FAM135B: variants seen among roughly 807,000 people sequenced by gnomAD.
The protein encoded by FAM135B is family with sequence similarity 135 member B, also known as protein FAM135B.
Under a neutral mutation model 127.7 loss-of-function variants are expected in FAM135B, and 43 were observed. The observed-to-expected ratio is 0.34, with a 90% confidence interval of 0.26 to 0.43. FAM135B has a LOEUF of 0.43. Ranked by LOEUF, FAM135B falls within the 20% of genes least tolerant of loss-of-function variation. The pLI is 1.00. For missense variants in FAM135B, 1,558 were observed against 1,725.6 expected, an observed-to-expected ratio of 0.90 and a Z score of 1.72; for synonymous variants, 670 against 665.1, an observed-to-expected ratio of 1.01 and a Z score of -0.11.
intron 1 of FAM135B, among the ~76,000 whole-genome samples, chr8:138,388,945 A>G (rs11784617): frequency 0.21 from 31,766 of 152,080 alleles, 3,604 homozygotes; most frequent in Non-Finnish European, 0.26. Context: ...TGTTTTATAT[A>G]TATATATCCC....
At chr8:138,341,049 T>G (rs1829013477) in intron 2 of FAM135B, among the ~76,000 whole-genome samples, 1 of 152,098 alleles carries the variant, frequency 6.6e-6, no homozygotes, top group African/African-American at 2.4e-5. Context: ...ACTCAAGAAT[T>G]GTTTAGGACT....
intron 1 of FAM135B, among the ~76,000 whole-genome samples, chr8:138,420,963 T>C (rs1318073094): frequency 6.6e-6 from 1 of 152,136 alleles, no homozygotes; most frequent in African/African-American, 2.4e-5. Flanking sequence ...TCACCACAAC[T>C]ATTTAACATA....
chr8:138,239,700 G>C (rs1434061869), intron 7 of FAM135B, among the ~76,000 whole-genome samples: 5 of 152,108 alleles, frequency 3.3e-5, no homozygotes, highest in South Asian at 2.1e-4. Context: ...ACATGCACAT[G>C]TATGTTCACT....
At chr8:138,457,003 T>C (rs1209498237) in intron 1 of FAM135B, among the ~76,000 whole-genome samples, 2 of 141,170 alleles carry the variant, frequency 1.4e-5, no homozygotes, top group African/African-American at 2.6e-5. Context: ...ACAAAGAAGA[T>C]GTGAAAGAAA....
At chr8:138,376,598 T>TC (rs1831489953) in intron 1 of FAM135B, among the ~76,000 whole-genome samples, 1 of 152,208 alleles carries the variant, frequency 6.6e-6, no homozygotes, top group Non-Finnish European at 1.5e-5. Flanking sequence ...CAATGCTTTA[T>TC]CCTCCCTCCC....
Position 138,497,240 on chromosome 8 carries a change from C to T in FAM135B, c.-589G>A, listed in dbSNP as rs28589271. 6.6e-3 allele frequency among the ~76,000 whole-genome samples: 995 copies of T among 150,724 alleles called. 10 individuals carry two copies. The highest frequency in any genetic ancestry group is 0.022 in the African/African-American group (907 of 41,362). Reference sequence around the variant, plus strand: ...TCCGCTCCGCAGCCGCTGCGCACCGCGTGGGTAGACGCTGCGCGACTGGCT... The same window carrying T: ...TCCGCTCCGCAGCCGCTGCGCACCGTGTGGGTAGACGCTGCGCGACTGGCT... On this transcript the variant is annotated 5_prime_UTR_variant, in exon 1 of 20. Transcript: ENST00000395297.
chr8:138,465,749 T>A (rs1253161792), intron 1 of FAM135B, among the ~76,000 whole-genome samples: 1 of 151,870 alleles, frequency 6.6e-6, no homozygotes, highest in African/African-American at 2.4e-5. Flanking sequence ...GCTGCTGACT[T>A]GTTGCTGTAC....
intron 3 of FAM135B, among the ~76,000 whole-genome samples, chr8:138,275,418 C>T (rs185190977): frequency 1.3e-5 from 2 of 152,320 alleles, no homozygotes; most frequent in African/African-American, 2.4e-5. Flanking sequence ...GGCACGATGA[C>T]TCATTCTTAC....
At chr8:138,269,515 T>C (rs532010796) in intron 3 of FAM135B, among the ~76,000 whole-genome samples, 1 of 152,308 alleles carries the variant, frequency 6.6e-6, no homozygotes, top group Non-Finnish European at 1.5e-5. Flanking sequence ...GTCTGGACTG[T>C]GTGAATTCCT....
intron 1 of FAM135B, among the ~76,000 whole-genome samples, chr8:138,382,686 G>A (rs1019525078): frequency 1.3e-5 from 2 of 152,048 alleles, no homozygotes; most frequent in Non-Finnish European, 2.9e-5. Flanking sequence ...GTGGCACCTG[G>A]CACCCAGAGA....
At chr8:138,494,747 G>T (rs751470303) in intron 1 of FAM135B, among the ~76,000 whole-genome samples, 17 of 151,810 alleles carry the variant, frequency 1.1e-4, no homozygotes, top group Non-Finnish European at 2.2e-4. Context: ...AGCAGAGTTG[G>T]ATGAAAGTAA....
At chr8:138,218,753 G>GCACACACACACA (rs139117207) in intron 7 of FAM135B, among the ~76,000 whole-genome samples, 4 of 51,396 alleles carry the variant, frequency 7.8e-5, no homozygotes, top group Admixed American at 2.7e-4. Flanking sequence ...AAACTTACAC[G>GCACACACACACA]CACACACACA....
chr8:138,366,334 C>G (rs930059933), intron 2 of FAM135B, among the ~76,000 whole-genome samples: 2 of 152,168 alleles, frequency 1.3e-5, no homozygotes. Context: ...ACCTGAAAAG[C>G]AGAGTGGAGT....
intron 9 of FAM135B, among the ~76,000 whole-genome samples, chr8:138,184,034 C>A (rs1815327736): frequency 6.6e-6 from 1 of 152,150 alleles, no homozygotes; most frequent in Non-Finnish European, 1.5e-5. Context: ...AGCAAGGCAC[C>A]ATGAAACACA....
At chr8:138,136,298 C>T (rs1343135776) in intron 19 of FAM135B, among the ~76,000 whole-genome samples, 1 of 151,960 alleles carries the variant, frequency 6.6e-6, no homozygotes, top group Non-Finnish European at 1.5e-5. Context: ...AACAAAACTA[C>T]TATTTACTTA....
chr8:138,325,068 A>T (rs1827707128), intron 2 of FAM135B, among the ~76,000 whole-genome samples: 2 of 152,178 alleles, frequency 1.3e-5, no homozygotes, highest in South Asian at 4.1e-4. Context: ...CTCATTTTAG[A>T]CACTGTGTCT....
chr8:138,171,022 G>A (rs1454042030), intron 11 of FAM135B, among the ~76,000 whole-genome samples: 1 of 152,152 alleles, frequency 6.6e-6, no homozygotes, highest in Non-Finnish European at 1.5e-5. Context: ...TGCGCTCCCA[G>A]GCCTTTGGCC....
intron 1 of FAM135B, among the ~76,000 whole-genome samples, chr8:138,473,144 C>T (rs1434443924): frequency 6.6e-6 from 1 of 151,948 alleles, no homozygotes; most frequent in East Asian, 1.9e-4. Flanking sequence ...TTTCTCGTGA[C>T]GACTTAAGGC....
intron 1 of FAM135B, among the ~76,000 whole-genome samples, chr8:138,484,133 G>C (rs1814895885): frequency 6.6e-6 from 1 of 152,164 alleles, no homozygotes; most frequent in African/African-American, 2.4e-5. Context: ...TTTAGCCTAA[G>C]CAGGATTCTA....
Sources: allele counts gnomAD v4.1 joint callset (sites outside exome capture counted in the v4.1 genomes callset), GRCh38; gene constraint gnomAD v4.1.1; transcripts MANE v1.5; gene names NCBI Gene and HGNC (gene_info 2026-07-23, HGNC 2026-07-21).